Variants in MPP3 observed in about 807,000 individuals in gnomAD.
MPP3 encodes MAGUK p55 subfamily member 3.
Under a neutral mutation model 80.7 loss-of-function variants are expected in MPP3, and 48 were observed. That is an observed-to-expected ratio of 0.59 (90% CI 0.47 to 0.76). The LOEUF is 0.76. Among genes scored for constraint, MPP3 ranks in the 30% least tolerant of loss-of-function variants. The pLI, the probability that MPP3 is intolerant of heterozygous loss-of-function variation, is 0.00. For missense variants in MPP3, 620 were observed against 763.0 expected (o/e 0.81, Z 2.21); for synonymous variants, 311 against 297.6 (o/e 1.04, Z -0.46).
intron 19 of MPP3, among the ~76,000 whole-genome samples, chr17:43,804,979 T>C (rs568746654): frequency 6.6e-6 from 1 of 152,106 alleles, no homozygotes; most frequent in East Asian, 1.9e-4. Flanking sequence ...CACCGCACCA[T>C]TGCGCTCCAG....
At chr17:43,821,203 C>T in intron 10 of MPP3, 145 bp from the exon 11 acceptor site, 1 of 702,256 alleles carries the variant, frequency 1.4e-6, no homozygotes, top group South Asian at 1.8e-5. Context: ...TGGAAATACA[C>T]TGCACGTATG....
At chr17:43,816,623 C>G in intron 13 of MPP3, 54 bp downstream of exon 13, 1 of 1,525,380 alleles carries the variant, frequency 6.6e-7, no homozygotes, top group Non-Finnish European at 8.9e-7. Flanking sequence ...AGGCCCCAGA[C>G]GTTCCACGGA....
At chr17:43,815,700 C>A in intron 14 of MPP3, 1 of 490,102 alleles carries the variant, frequency 2.0e-6, no homozygotes, top group Non-Finnish European at 3.8e-6. Context: ...TCTGGAGAGC[C>A]GCAAACACCC....
intron 11 of MPP3, among the ~76,000 whole-genome samples, chr17:43,820,341 C>A (rs192047414): frequency 1.3e-3 from 193 of 152,208 alleles, no homozygotes; most frequent in African/African-American, 4.5e-3. Context: ...TGGCTCATGC[C>A]TGTAATCCTA....
chr17:43,832,071 GCTTA>G (rs756584037), intron 2 of MPP3, 128 bp from the exon 3 acceptor site: 139 of 680,550 alleles, frequency 2.0e-4, no homozygotes, highest in Non-Finnish European at 3.2e-4. Context: ...AAATAACTCT[GCTTA>G]CTTTTTTCAG....
chr17:43,824,155 G>C lies in MPP3; in HGVS notation c.610-150C>G, dbSNP rs969468088. The C allele has an allele frequency of 2.6e-5, 14 of 532,636 alleles. No homozygotes were observed. The African/African-American group carries it at 2.8e-4, about 11-fold the overall frequency. The allele number at this position is 532,636 out of a possible 1,614,324, so 33.0% of individuals were successfully genotyped here. On this transcript the variant is annotated intron_variant, in intron 9 of 19. Transcript: ENST00000398389. ...ACTCTTCTAGGATGGTGCCCTGGTT[G>C]AATGAACTAAAACAAAACTCAGTAA...
At chr17:43,826,544 A>C (rs77300351) in intron 8 of MPP3, among the ~76,000 whole-genome samples, 3,295 of 152,280 alleles carry the variant, frequency 0.022, 106 homozygotes, top group African/African-American at 0.075. Flanking sequence ...CTTTGGGGGT[A>C]ACATCGCCCT....
intron 19 of MPP3, among the ~76,000 whole-genome samples, chr17:43,805,484 C>T (rs1208920367): frequency 6.6e-6 from 1 of 152,100 alleles, no homozygotes; most frequent in African/African-American, 2.4e-5. Flanking sequence ...TATGTTCACA[C>T]AAAAACTTGT....
At chr17:43,827,672 G>C in intron 8 of MPP3, 79 bp downstream of exon 8, 3 of 1,358,010 alleles carry the variant, frequency 2.2e-6, no homozygotes, top group Middle Eastern at 1.8e-4. Flanking sequence ...GAGGTAAGGG[G>C]ACCTATTAGC....
chr17:43,808,457 CTA>C (rs1450210335), intron 19 of MPP3, among the ~76,000 whole-genome samples: 1 of 152,248 alleles, frequency 6.6e-6, no homozygotes, highest in Non-Finnish European at 1.5e-5. Context: ...AACAAAGAAT[CTA>C]TGACAGTGAA....
At position 43,811,719 on chromosome 17, in the gene MPP3, G is replaced by A. The variant is rs190535246; in HGVS notation, c.1256-514C>T. 772 of 153,032 alleles carry A rather than the reference G, an allele frequency of 5.0e-3. 6 individuals are homozygous for A. Among genetic ancestry groups the A allele is most frequent in the Middle Eastern group, 0.01 (3 of 300 alleles). 9.5% of individuals were successfully genotyped at this position (153,032 alleles called of 1,614,324 possible). ...AGCGATTCTCCTGCCTCAGCCTCCCGAGTAGCTGGAATTACAGGCATGTAC... is the reference window on the plus strand; with the variant it reads ...AGCGATTCTCCTGCCTCAGCCTCCCAAGTAGCTGGAATTACAGGCATGTAC... On this transcript the variant is annotated intron_variant, in intron 16 of 19. Transcript: ENST00000398389.
chr17:43,805,167 A>C (rs181863054), intron 19 of MPP3, among the ~76,000 whole-genome samples: 3 of 152,376 alleles, frequency 2.0e-5, no homozygotes, highest in East Asian at 3.9e-4. Context: ...AAGTATTTGA[A>C]CAGACATTTC....
Position 43,827,748 on chromosome 17 carries a change from C to A in MPP3, c.523+3G>T, listed in dbSNP as rs1364852742. 2.5e-6 allele frequency: 4 copies of A among 1,610,572 alleles called. No homozygotes were observed. Among genetic ancestry groups the A allele is most frequent in the Non-Finnish European group, 3.4e-6 (4 of 1,179,972 alleles). ...GGGCCAGCTTTGCACTGCCGCCACT[C>A]ACCGCTCCTGTCTGCTGCGCCTCCT... On this transcript the variant is annotated splice_donor_region_variant and intron_variant, in intron 8 of 19. Transcript: ENST00000398389.
rs2045961425 is a variant in MPP3, at chr17:43,831,565, T to C, written c.138A>G (p.Leu46=). Residue 46 remains leucine, a synonymous_variant, in exon 4 of 20, where the codon TTA becomes TTG. Coordinates refer to ENST00000398389, the MANE Select transcript of MPP3 (RefSeq NM_001932.6). The part of the protein sequence containing the change: ...DVFSEKSLSY[L]MKIHEKLRYY... The stretch of plus-strand genomic sequence containing the variant: ...GGATGACGTGGGACTTCACCTTCAT[T>C]AAGTAACTGAGGCTTTTTTCACTGA... 1 of 1,609,430 alleles carries C rather than the reference T, an allele frequency of 6.2e-7. No homozygotes were observed. The highest frequency in any genetic ancestry group is 1.7e-5 in the Admixed American group (1 of 59,890).
At chr17:43,809,159 G>T (rs1430965853) in intron 18 of MPP3, 81 bp from the exon 19 acceptor site, 23 of 1,422,008 alleles carry the variant, frequency 1.6e-5, no homozygotes, top group Non-Finnish European at 2.1e-5. Flanking sequence ...CAATAATCGT[G>T]TGCTTCAATA....
intron 5 of MPP3, 39 bp downstream of exon 5, chr17:43,831,205 G>A (rs761808333): frequency 6.3e-7 from 1 of 1,585,048 alleles, no homozygotes; most frequent in Non-Finnish European, 8.7e-7. Flanking sequence ...ACAGGGTGGG[G>A]AGTGGGGCAG....
At chr17:43,831,722 G>A (rs1197121435) in intron 3 of MPP3, 45 bp from the exon 4 acceptor site, 1 of 1,524,378 alleles carries the variant, frequency 6.6e-7, no homozygotes, top group Admixed American at 1.8e-5. Context: ...CGCAGTGGGT[G>A]CTCCCTGCCC....
chr17:43,815,813 G>C (rs756489385), intron 14 of MPP3: 53 of 676,704 alleles, frequency 7.8e-5, no homozygotes, highest in Middle Eastern at 4.7e-4. Context: ...TTTCCCGCCA[G>C]GGCAGTGTGC....
rs543451339 is a variant in MPP3, at chr17:43,823,826, T to G, written c.684+105A>C. On this transcript the variant is annotated intron_variant, in intron 10 of 19. Transcript: ENST00000398389. ...GATTACTAGGATCAGATCTATGATC[T>G]GTTCGCAAATGACTGTTACAAGAGA... 39 of 765,002 alleles carry G rather than the reference T, an allele frequency of 5.1e-5. No homozygotes were observed. The African/African-American group carries it at 6.5e-4, about 13-fold the overall frequency. 47.4% of individuals were successfully genotyped at this position (765,002 alleles called of 1,614,324 possible).
Sources: gnomAD v4.1 joint callset for allele counts (sites outside exome capture counted in the v4.1 genomes callset) on GRCh38, gnomAD v4.1.1 for gene constraint, MANE v1.5 for transcripts, NCBI Gene and HGNC (gene_info 2026-07-23, HGNC 2026-07-21) for gene names.